Variants in NAALADL2 observed in about 807,000 individuals in gnomAD.
The protein encoded by NAALADL2 is inactive N-acetylated-alpha-linked acidic dipeptidase-like protein 2.
Under a neutral mutation model 87.2 loss-of-function variants are expected in NAALADL2, and 76 were observed. That is an observed-to-expected ratio of 0.87 (90% CI 0.72 to 1.05). The LOEUF is 1.05. NAALADL2 is among the 50% of genes least tolerant of loss of function. NAALADL2 has a pLI of 0.00. For missense variants in NAALADL2, 1,089 were observed against 945.8 expected (o/e 1.15, Z -1.99); for synonymous variants, 354 against 331.0 (o/e 1.07, Z -0.75).
intron 5 of NAALADL2, among the ~76,000 whole-genome samples, chr3:175,392,845 G>A (rs1478741181): frequency 2.0e-5 from 3 of 152,166 alleles, no homozygotes; most frequent in Non-Finnish European, 2.9e-5. Flanking sequence ...AGTGAGCACA[G>A]GACAAACCAC....
At chr3:174,811,219 A>G (rs959453092) in intron 3 of NAALADL2, among the ~76,000 whole-genome samples, 1 of 152,180 alleles carries the variant, frequency 6.6e-6, no homozygotes, top group African/African-American at 2.4e-5. Flanking sequence ...GGCATTGCCT[A>G]GTGGAGCTGT....
intron 2 of NAALADL2, among the ~76,000 whole-genome samples, chr3:175,139,694 G>C: frequency 6.6e-6 from 1 of 151,376 alleles, no homozygotes; most frequent in South Asian, 2.1e-4. Context: ...GAAACAAAGA[G>C]TAGGTGATTA....
At chr3:175,399,425 C>A (rs1581731234) in intron 5 of NAALADL2, among the ~76,000 whole-genome samples, 2 of 152,200 alleles carry the variant, frequency 1.3e-5, no homozygotes, top group Middle Eastern at 3.4e-3. Context: ...GAAAGTATAG[C>A]TACTCCATAG....
At chr3:175,378,824 T>A (rs982892746) in intron 5 of NAALADL2, among the ~76,000 whole-genome samples, 7 of 152,214 alleles carry the variant, frequency 4.6e-5, no homozygotes, top group African/African-American at 1.4e-4. Flanking sequence ...CTGGGAGAGA[T>A]AATCCTGCAC....
chr3:174,694,936 AGG>A (rs141185288), intron 2 of NAALADL2, among the ~76,000 whole-genome samples: 2,747 of 152,094 alleles, frequency 0.018, 48 homozygotes, highest in African/African-American at 0.051. Context: ...TAAAATTCCA[AGG>A]GCTCTAAAGT....
chr3:175,209,914 G>A (rs192827726), intron 2 of NAALADL2, among the ~76,000 whole-genome samples: 1 of 151,822 alleles, frequency 6.6e-6, no homozygotes, highest in Admixed American at 6.6e-5. Flanking sequence ...AAGTCTACAA[G>A]TCTTCGTTTT....
chr3:175,742,045 C>T (rs1368673193), intron 12 of NAALADL2, among the ~76,000 whole-genome samples: 1 of 152,178 alleles, frequency 6.6e-6, no homozygotes, highest in Admixed American at 6.5e-5. Flanking sequence ...TAGCCTTTCA[C>T]TCAATTCACA....
rs1297594637 is a variant in NAALADL2 at position 175,689,409 on chromosome 3, T to C, written c.1897-47897T>C. On this transcript the variant is annotated intron_variant, in intron 11 of 13. Transcript: ENST00000454872. ...TAGATAAGCTAGGAAGCTTCAACTA[T>C]ATATAATTGGAATTTTAGAATAATA... Among the ~76,000 whole-genome samples, 8 of 152,130 alleles carry C rather than the reference T, an allele frequency of 5.3e-5. No individual in the cohort carries two copies. The East Asian group carries it at 7.7e-4, about 15-fold the overall frequency.
At chr3:175,444,329 G>T (rs369152562) in intron 5 of NAALADL2, among the ~76,000 whole-genome samples, 11 of 152,306 alleles carry the variant, frequency 7.2e-5, no homozygotes, top group African/African-American at 2.4e-4. Context: ...GGGAAAACCA[G>T]ATGGCTATCC....
chr3:174,781,057 T>A (rs2109147671), intron 3 of NAALADL2, among the ~76,000 whole-genome samples: 1 of 152,248 alleles, frequency 6.6e-6, no homozygotes, highest in South Asian at 2.1e-4. Flanking sequence ...TGGCTGGATA[T>A]GAAATTCTGG....
At chr3:174,723,755 C>CAAAAAAAAAAAAA (rs10663395) in intron 2 of NAALADL2, among the ~76,000 whole-genome samples, 2 of 27,554 alleles carry the variant, frequency 7.3e-5, no homozygotes, top group African/African-American at 2.0e-4. Flanking sequence ...GACTCCGTCT[C>CAAAAAAAAAAAAA]AAAAAAAAAA....
chr3:174,551,638 G>A (rs559994747), intron 2 of NAALADL2, among the ~76,000 whole-genome samples: 5 of 152,238 alleles, frequency 3.3e-5, no homozygotes, highest in East Asian at 3.9e-4. Flanking sequence ...ATATTATTTC[G>A]TGATCAGAAA....
chr3:175,393,939 G>A (rs1252729318), intron 5 of NAALADL2, among the ~76,000 whole-genome samples: 1 of 152,090 alleles, frequency 6.6e-6, no homozygotes, highest in Non-Finnish European at 1.5e-5. Flanking sequence ...TCATGATCTT[G>A]ACACCTTTTT....
At chr3:174,458,232 A>T (rs912256752) in intron 1 of NAALADL2, among the ~76,000 whole-genome samples, 2 of 152,208 alleles carry the variant, frequency 1.3e-5, no homozygotes, top group Admixed American at 1.3e-4. Context: ...GGGAAACTGC[A>T]TTATCCTACA....
chr3:175,109,566 G>A (rs886387521), intron 2 of NAALADL2, among the ~76,000 whole-genome samples: 1 of 151,456 alleles, frequency 6.6e-6, no homozygotes, highest in Non-Finnish European at 1.5e-5. Flanking sequence ...AGAGAGGGAG[G>A]GAAAGAAAGA....
At chr3:175,370,719 A>G (rs1766370301) in intron 5 of NAALADL2, among the ~76,000 whole-genome samples, 1 of 152,202 alleles carries the variant, frequency 6.6e-6, no homozygotes, top group Non-Finnish European at 1.5e-5. Flanking sequence ...TCTGATTCCA[A>G]CATTCGATGG....
At chr3:175,656,373 A>C (rs1731464321) in intron 11 of NAALADL2, among the ~76,000 whole-genome samples, 1 of 152,176 alleles carries the variant, frequency 6.6e-6, no homozygotes, top group Non-Finnish European at 1.5e-5. Context: ...TTCTTTGGTA[A>C]GTAGAACTTT....
At chr3:174,920,279 A>G (rs150404300) in intron 1 of NAALADL2, among the ~76,000 whole-genome samples, 6 of 152,228 alleles carry the variant, frequency 3.9e-5, no homozygotes, top group African/African-American at 9.6e-5. Flanking sequence ...TTCTTCCAAC[A>G]TAAGACTGTT....
intron 1 of NAALADL2, among the ~76,000 whole-genome samples, chr3:175,049,081 T>C (rs1755039706): frequency 6.6e-6 from 1 of 152,146 alleles, no homozygotes; most frequent in Non-Finnish European, 1.5e-5. Context: ...TAACCTTGAA[T>C]AGTACTCAAC....
Sources: gnomAD v4.1 joint callset for allele counts (sites outside exome capture counted in the v4.1 genomes callset) on GRCh38, gnomAD v4.1.1 for gene constraint, MANE v1.5 for transcripts, NCBI Gene and HGNC (gene_info 2026-07-23, HGNC 2026-07-21) for gene names.